GSAP: variants seen among roughly 807,000 people sequenced by gnomAD.
GSAP encodes gamma-secretase-activating protein.
GSAP carries 118 observed loss-of-function variants against 131.7 expected under a neutral mutation model. That is an observed-to-expected ratio of 0.90 (90% CI 0.77 to 1.04). The LOEUF is 1.04. Ranked by LOEUF, GSAP falls within the 50% of genes least tolerant of loss-of-function variation. The pLI is 0.00. For missense variants in GSAP, 1,019 were observed against 1,013.2 expected (o/e 1.01, Z -0.08); for synonymous variants, 381 against 363.4 (o/e 1.05, Z -0.55).
chr7:77,343,994 G>A (rs915074503), intron 19 of GSAP, among the ~76,000 whole-genome samples: 2 of 152,066 alleles, frequency 1.3e-5, no homozygotes, highest in Admixed American at 1.3e-4. Context: ...ATTTGCCCCT[G>A]CCCAGGACTG....
intron 1 of GSAP, among the ~76,000 whole-genome samples, chr7:77,408,689 CAAAAAAAA>C (rs749202124): frequency 9.0e-5 from 6 of 67,026 alleles, no homozygotes; most frequent in Non-Finnish European, 1.1e-4. Context: ...ACTCTGCCTC[CAAAAAAAA>C]AAAAAAAAAA....
chr7:77,403,616 T>C (rs1014972932), intron 3 of GSAP, among the ~76,000 whole-genome samples: 2 of 152,030 alleles, frequency 1.3e-5, no homozygotes, highest in African/African-American at 4.8e-5. Context: ...TAAGAAATAA[T>C]GAGAAACAAG....
At position 77,338,641 on chromosome 7, in the gene GSAP, G is replaced by GA. The variant is rs1417133597; in HGVS notation, c.1546-8275dup. Among the ~76,000 whole-genome samples, 24 of 152,142 alleles carry GA rather than the reference G, an allele frequency of 1.6e-4. 1 individual carries two copies. Among genetic ancestry groups the GA allele is most frequent in the African/African-American group, 5.8e-4 (24 of 41,426 alleles). On this transcript the variant is annotated intron_variant, in intron 19 of 30. Coordinates refer to ENST00000257626, the MANE Select transcript of GSAP (RefSeq NM_017439.4). ...TGTTCGCTGTAACCTCATGTGGCGG[G>GA]AGGGCAAGTTGGCTCTGTGGGGTCT...
At chr7:77,320,275 A>G (rs549329374) in intron 26 of GSAP, among the ~76,000 whole-genome samples, 1 of 152,318 alleles carries the variant, frequency 6.6e-6, no homozygotes, top group African/African-American at 2.4e-5. Flanking sequence ...ACATCTCCCC[A>G]GGATGTTTTG....
intron 1 of GSAP, among the ~76,000 whole-genome samples, chr7:77,414,389 G>A (rs186912835): frequency 2.6e-5 from 4 of 152,332 alleles, no homozygotes; most frequent in South Asian, 4.1e-4. Flanking sequence ...TTGTGTGGGG[G>A]TATTTTTGAG....
At chr7:77,402,935 C>G (rs754277388) in intron 3 of GSAP, among the ~76,000 whole-genome samples, 1 of 152,158 alleles carries the variant, frequency 6.6e-6, no homozygotes, top group Non-Finnish European at 1.5e-5. Flanking sequence ...GAACCTATCA[C>G]TATCAATCCA....
In GSAP at chr7:77,312,137, G is replaced by A. The variant is rs1433145308; in HGVS notation, c.2337C>T (p.Asn779=). 8.7e-6 allele frequency: 14 copies of A among 1,604,060 alleles called. No individual in the cohort carries two copies. Among genetic ancestry groups the A allele is most frequent in the Non-Finnish European group, 1.2e-5 (14 of 1,175,956 alleles). Residue 779 remains asparagine, a synonymous_variant, in exon 29 of 31, where the codon AAC becomes AAT. Transcript: ENST00000257626. ...AGTTCTGAAGCAGTCGCGTCACGTG[G>A]TTCCGCGAAATGATGTTAGAACTCA... ...HPMSSNIISR[N]HVTRLLQNYK...
At chr7:77,320,554 G>C (rs1457222604) in intron 26 of GSAP, among the ~76,000 whole-genome samples, 171 bp downstream of exon 26, 4 of 152,120 alleles carry the variant, frequency 2.6e-5, no homozygotes, top group African/African-American at 9.7e-5. Flanking sequence ...GTAGTCAGAG[G>C]AGCTCTGGTC....
rs1358830310 is a variant in GSAP at position 77,346,849 on chromosome 7, G to A, written c.1545+2502C>T. 4.8e-5 allele frequency among the ~76,000 whole-genome samples: 7 copies of A among 145,644 alleles called. No individual in the cohort carries two copies. In the East Asian group the frequency reaches 1.0e-3, roughly 21 times the overall value. The stretch of plus-strand genomic sequence containing the variant: ...TATAATATCGGGTATTTTAGGCTTC[G>A]GGACCAGGACTAGTCTCGGGAAACT... On this transcript the variant is annotated intron_variant, in intron 19 of 30. Transcript: ENST00000257626.
At chr7:77,391,144 A>G (rs1172532397) in intron 5 of GSAP, among the ~76,000 whole-genome samples, 11 of 147,662 alleles carry the variant, frequency 7.4e-5, no homozygotes, top group African/African-American at 2.3e-4. Context: ...AAAAAAAAAA[A>G]AAAGAAAAAG....
In GSAP at chr7:77,352,813, C is replaced by CAA. The variant is rs1391654470; in HGVS notation, c.1491+129_1491+130dup. The CAA allele has an allele frequency of 5.5e-6, 3 of 546,896 alleles. No homozygotes were observed. In the African/African-American group the frequency reaches 5.7e-5, roughly 10 times the overall value. The allele number at this position is 546,896 out of a possible 1,614,324, so 33.9% of individuals were successfully genotyped here. On this transcript the variant is annotated intron_variant, in intron 18 of 30. Coordinates refer to ENST00000257626, the MANE Select transcript of GSAP (RefSeq NM_017439.4). ...TATTACTTTTCTGCCAAAAAAAATT[C>CAA]AACTGAGTTCTTTATCAGTCAAAAC...
At chr7:77,387,487 A>C in intron 5 of GSAP, 39 bp from the exon 6 acceptor site, 1 of 1,033,776 alleles carries the variant, frequency 9.7e-7, no homozygotes. Flanking sequence ...GAAGATTGTA[A>C]TATCACACAT....
intron 6 of GSAP, among the ~76,000 whole-genome samples, chr7:77,383,560 TA>T (rs1312569602): frequency 6.6e-6 from 1 of 152,170 alleles, no homozygotes; most frequent in Non-Finnish European, 1.5e-5. Context: ...AGAAAAGGCT[TA>T]AATCCACCCC....
chr7:77,405,326 G>A (rs1386733603), intron 2 of GSAP, among the ~76,000 whole-genome samples: 2 of 152,100 alleles, frequency 1.3e-5, no homozygotes, highest in African/African-American at 2.4e-5. Context: ...ATAATGCTTC[G>A]AAAGTCCTAA....
intron 12 of GSAP, among the ~76,000 whole-genome samples, chr7:77,365,187 G>A (rs1795105043): frequency 6.6e-6 from 1 of 152,026 alleles, no homozygotes; most frequent in South Asian, 2.1e-4. Context: ...GGGCTCATGT[G>A]ATCTTCCTAC....
At chr7:77,416,482 G>A (rs923542287), upstream of GSAP, 7 of 427,800 alleles carry the variant, frequency 1.6e-5, no homozygotes, top group African/African-American at 8.3e-5. Flanking sequence ...GAGAAGCTCC[G>A]GCACCAGCTC....
chr7:77,375,855 AAAAC>A (rs1357342352), intron 10 of GSAP, among the ~76,000 whole-genome samples: 12 of 151,836 alleles, frequency 7.9e-5, no homozygotes, highest in Non-Finnish European at 1.2e-4. Flanking sequence ...AAAAAAAAAA[AAAAC>A]AAACAAAAAA....
chr7:77,340,858 C>T (rs113896107), intron 19 of GSAP, among the ~76,000 whole-genome samples: 3,882 of 152,066 alleles, frequency 0.026, 164 homozygotes, highest in African/African-American at 0.087. Context: ...CTGCTCACTA[C>T]CCCCACCCCT....
In GSAP at chr7:77,311,926, C is replaced by A; in HGVS notation, c.2388G>T (p.Met796Ile). The A allele has an allele frequency of 1.3e-6, 2 of 1,592,386 alleles. No homozygotes were observed. Among genetic ancestry groups the A allele is most frequent in the Non-Finnish European group, 1.7e-6 (2 of 1,160,390 alleles). ...QNYKKQPRNS[M>I]INKSSFSVEF... ...CTACACTGAACGATGACTTGTTAATCATAGAATTCCGAGGCTAAAAGGGAA... is the reference window on the plus strand; with the variant it reads ...CTACACTGAACGATGACTTGTTAATAATAGAATTCCGAGGCTAAAAGGGAA... Residue 796 changes from methionine to isoleucine, a missense_variant, in exon 30 of 31, where the codon ATG becomes ATT. Transcript: ENST00000257626.
Sources: gnomAD v4.1 joint callset for allele counts (sites outside exome capture counted in the v4.1 genomes callset) on GRCh38, gnomAD v4.1.1 for gene constraint, MANE v1.5 for transcripts, NCBI Gene and HGNC (gene_info 2026-07-23, HGNC 2026-07-21) for gene names.